RPH3A: variants seen among roughly 807,000 people sequenced by gnomAD.
RPH3A encodes rabphilin 3A, also known as rabphilin-3A.
Under a neutral mutation model 102.2 loss-of-function variants are expected in RPH3A, and 48 were observed. That is an observed-to-expected ratio of 0.47 (90% CI 0.37 to 0.60). The LOEUF (loss-of-function observed/expected upper bound fraction) is 0.60, where lower values mean the gene tolerates loss of function less well. Among genes scored for constraint, RPH3A ranks in the 20% least tolerant of loss-of-function variants. The probability of loss-of-function intolerance (pLI) is 0.00; values close to 1 mark genes in which losing one functional copy is unlikely to be tolerated. For synonymous variants in RPH3A, 310 were observed against 324.3 expected (o/e 0.96, Z 0.47); for missense variants, 781 against 910.1 (o/e 0.86, Z 1.83).
At chr12:112,881,657 G>C (rs527962716) in intron 14 of RPH3A, 115 bp from the exon 15 acceptor site, 2 of 617,162 alleles carry the variant, frequency 3.2e-6, no homozygotes, top group Non-Finnish European at 5.6e-6. Context: ...GGAGGAGGAA[G>C]CACACAGCGT....
intron 15 of RPH3A, 42 bp downstream of exon 15, chr12:112,881,888 G>A (rs1565941240): frequency 6.6e-7 from 1 of 1,522,962 alleles, no homozygotes. Flanking sequence ...GGGTGCATGG[G>A]CCCTGGCAGA....
chr12:112,619,436 A>G (rs1192191744), intron 1 of RPH3A, among the ~76,000 whole-genome samples: 2 of 151,874 alleles, frequency 1.3e-5, no homozygotes, highest in Non-Finnish European at 2.9e-5. Flanking sequence ...CAGGCATGCT[A>G]TCATGCCCAG....
intron 2 of RPH3A, among the ~76,000 whole-genome samples, chr12:112,818,307 TAAAA>T (rs745954372): frequency 6.8e-5 from 3 of 43,830 alleles, no homozygotes; most frequent in African/African-American, 2.4e-4. Flanking sequence ...TCAAGAAGAA[TAAAA>T]AAAAAAAAAA....
chr12:112,594,038 A>G (rs777286554), intron 1 of RPH3A, among the ~76,000 whole-genome samples: 1 of 152,218 alleles, frequency 6.6e-6, no homozygotes, highest in Admixed American at 6.5e-5. Flanking sequence ...TACCTGGTAC[A>G]TAGTAAATGC....
rs186816545 is a variant in RPH3A at position 112,580,875 on chromosome 12, G to C, written c.-140+5556G>C. 2.6e-5 allele frequency among the ~76,000 whole-genome samples: 4 copies of C among 152,268 alleles called. No individual in the cohort carries two copies. In the East Asian group the frequency reaches 7.7e-4, roughly 29 times the overall value. The stretch of plus-strand genomic sequence containing the variant: ...CATTGTCAAAGCACTAATGGATTGG[G>C]AAGGTAAATTATAGAAGAGTGTTTT... On this transcript the variant is annotated intron_variant, in intron 1 of 21. Coordinates refer to the RPH3A transcript ENST00000543106.
Position 112,897,145 on chromosome 12 carries a change from T to TACACACACACACAC in RPH3A, c.*382_*395dup, listed in dbSNP as rs10563429. On this transcript the variant is annotated 3_prime_UTR_variant, in exon 22 of 22. Transcript: ENST00000389385. ...CCTCCTAGCCTTGAACACACACATGTACACACACACACACACACACACACA... is the reference window on the plus strand; with the variant it reads ...CCTCCTAGCCTTGAACACACACATGTACACACACACACACACACACACACACACACACACACACA... 4.4e-4 allele frequency: 81 copies of TACACACACACACAC among 183,690 alleles called. No individual in the cohort carries two copies. Among genetic ancestry groups the TACACACACACACAC allele is most frequent in the African/African-American group, 1.6e-3 (68 of 42,110 alleles). The allele number at this position is 183,690 out of a possible 1,614,324, so 11.4% of individuals were successfully genotyped here. A position where few individuals can be genotyped will look rare whatever the true frequency, so the allele number is the denominator to read the frequency against.
intron 1 of RPH3A, among the ~76,000 whole-genome samples, chr12:112,700,366 T>C (rs181704535): frequency 6.6e-6 from 1 of 152,352 alleles, no homozygotes; most frequent in East Asian, 1.9e-4. Flanking sequence ...TAAGATATTA[T>C]AGATTGGTGA....
intron 2 of RPH3A, among the ~76,000 whole-genome samples, chr12:112,825,707 T>C (rs1306708796): frequency 6.6e-6 from 1 of 152,116 alleles, no homozygotes; most frequent in African/African-American, 2.4e-5. Context: ...GTGTTGGAGA[T>C]TAAGCAGTGA....
intron 4 of RPH3A, among the ~76,000 whole-genome samples, chr12:112,846,555 C>G (rs995871171): frequency 6.6e-6 from 1 of 152,182 alleles, no homozygotes; most frequent in African/African-American, 2.4e-5. Context: ...TTTTTAATTT[C>G]CAGCTTCCAA....
intron 1 of RPH3A, among the ~76,000 whole-genome samples, chr12:112,720,539 T>C (rs2040543423): frequency 6.6e-6 from 1 of 152,342 alleles, no homozygotes; most frequent in South Asian, 2.1e-4. Flanking sequence ...CAGTTAGCTA[T>C]TGCTGTGTAA....
chr12:112,856,484 ATGTGTGTGTGTG>A (rs3837520), intron 5 of RPH3A, among the ~76,000 whole-genome samples: 3 of 149,366 alleles, frequency 2.0e-5, no homozygotes, highest in Non-Finnish European at 4.5e-5. Context: ...ACACATGTGC[ATGTGTGTGTGTG>A]TGTGTGTGTG....
intron 1 of RPH3A, among the ~76,000 whole-genome samples, chr12:112,691,639 T>G (rs901829864): frequency 6.6e-6 from 1 of 152,198 alleles, no homozygotes; most frequent in Admixed American, 6.5e-5. Context: ...GCCAAATTAT[T>G]TACCTTCCCT....
intron 1 of RPH3A, among the ~76,000 whole-genome samples, chr12:112,669,387 TA>T (rs2040111661): frequency 6.6e-6 from 1 of 152,200 alleles, no homozygotes; most frequent in African/African-American, 2.4e-5. Flanking sequence ...TTAAAAATAA[TA>T]AAGCTGACTT....
Position 112,828,354 on chromosome 12 carries a change from T to C in RPH3A, c.36T>C (p.Arg12=), listed in dbSNP as rs2041915326. ...CCGTGTTCAGCAACAGTTCTAACCG[T>C]TGGATGTACCCCAGTGACCGGCCCC... The part of the protein sequence containing the change: ...TDTVFSNSSN[R]WMYPSDRPLQ... Residue 12 remains arginine (R), a synonymous_variant, in exon 3 of 22, where the codon CGT becomes CGC. Transcript: ENST00000389385. 6.2e-7 allele frequency: 1 copy of C among 1,608,944 alleles called. No homozygotes were observed. The highest frequency in any genetic ancestry group is 8.5e-7 in the Non-Finnish European group (1 of 1,177,802).
rs11375355 is a variant in RPH3A at position 112,774,063 on chromosome 12, C to CAAAAAAAAAA, written c.-139-18075_-139-18066dup. ...TCACGCCACTGCACTCCAGCCTGGG[C>CAAAAAAAAAA]AAAAAAAAAAAAAAGAAAAAGAGAA... is the stretch of plus-strand genomic sequence containing the variant. On this transcript the variant is annotated intron_variant, in intron 1 of 21. Coordinates refer to the RPH3A transcript ENST00000543106. Among the ~76,000 whole-genome samples the CAAAAAAAAAA allele has an allele frequency of 8.4e-4, 91 of 108,376 alleles. 3 individuals are homozygous for CAAAAAAAAAA. Among genetic ancestry groups the CAAAAAAAAAA allele is most frequent in the African/African-American group, 2.3e-3 (59 of 25,320 alleles). The allele number at this position is 108,376 out of a possible 152,430, so 71.1% of individuals were successfully genotyped here.
intron 4 of RPH3A, chr12:112,841,967 C>T: frequency 2.2e-6 from 1 of 456,032 alleles, no homozygotes; most frequent in Non-Finnish European, 4.4e-6. Flanking sequence ...CATGTTTGTG[C>T]AGATAGGCAA....
chr12:112,772,595 T>C (rs896311693), intron 1 of RPH3A, among the ~76,000 whole-genome samples: 2 of 152,220 alleles, frequency 1.3e-5, no homozygotes, highest in African/African-American at 4.8e-5. Context: ...TTATATCACA[T>C]GTCAAGTACT....
At chr12:112,848,421 G>A (rs947572082) in intron 5 of RPH3A, among the ~76,000 whole-genome samples, 21 of 152,196 alleles carry the variant, frequency 1.4e-4, no homozygotes, top group African/African-American at 4.8e-4. Flanking sequence ...AGGTTAACCT[G>A]ATGGGTCCAG....
chr12:112,802,454 GT>G (rs1203260165), intron 2 of RPH3A, among the ~76,000 whole-genome samples: 1 of 151,228 alleles, frequency 6.6e-6, no homozygotes, highest in Non-Finnish European at 1.5e-5. Context: ...TGTGATTAAA[GT>G]TTTTTTAAAC....
Sources: gnomAD v4.1 joint callset for allele counts (sites outside exome capture counted in the v4.1 genomes callset) on GRCh38, gnomAD v4.1.1 for gene constraint, MANE v1.5 for transcripts, NCBI Gene and HGNC (gene_info 2026-07-23, HGNC 2026-07-21) for gene names.